EPHB1: variants seen among roughly 807,000 people sequenced by gnomAD.
EPHB1 encodes the protein EPH receptor B1, also known as ephrin type-B receptor 1.
A neutral mutation model predicts 94.4 loss-of-function variants in EPHB1; 30 were observed. The ratio of observed to expected loss-of-function variants is 0.32; its 90% confidence interval spans 0.24 to 0.43. The LOEUF (loss-of-function observed/expected upper bound fraction) is 0.43. Among genes scored for constraint, EPHB1 ranks in the 20% least tolerant of loss-of-function variants. EPHB1 has a pLI of 1.00. For missense variants in EPHB1, 1,055 were observed against 1,308.3 expected (o/e 0.81, Z 2.99); for synonymous variants, 522 against 489.1 (o/e 1.07, Z -0.89).
chr3:134,815,654 C>G (rs538066897), intron 1 of EPHB1, among the ~76,000 whole-genome samples: 1 of 152,274 alleles, frequency 6.6e-6, no homozygotes, highest in South Asian at 2.1e-4. Flanking sequence ...AAGTTGCCCT[C>G]TAAAAAGGCT....
chr3:134,987,471 C>T (rs1011878911), intron 3 of EPHB1, among the ~76,000 whole-genome samples: 1 of 152,064 alleles, frequency 6.6e-6, no homozygotes, highest in African/African-American at 2.4e-5. Flanking sequence ...CAGAAAAGAC[C>T]ATGTGAGGCC....
Position 134,972,994 on chromosome 3 carries a change from CA to C in EPHB1, c.805+20943del, listed in dbSNP as rs911936833. On this transcript the variant is annotated intron_variant, in intron 3 of 15. Transcript: ENST00000398015. ...GGGCCTCAGCTGCCCATCTCTGGCC[CA>C]GGGGGGTTGGTCTGGCTTCCCTTCT... Among the ~76,000 whole-genome samples the C allele has an allele frequency of 9.2e-5, 14 of 152,318 alleles. No homozygotes were observed. In the East Asian group the frequency reaches 9.6e-4, roughly 10 times the overall value.
intron 3 of EPHB1, among the ~76,000 whole-genome samples, chr3:135,065,618 T>A (rs1937571137): frequency 6.6e-6 from 1 of 152,172 alleles, no homozygotes; most frequent in Non-Finnish European, 1.5e-5. Flanking sequence ...AGCAGATAGT[T>A]GGTTGTTGAG....
intron 1 of EPHB1, among the ~76,000 whole-genome samples, chr3:134,801,331 C>T (rs1192046262): frequency 1.3e-5 from 2 of 152,160 alleles, no homozygotes; most frequent in Non-Finnish European, 2.9e-5. Flanking sequence ...TCTCTCTGCC[C>T]TGACCAGCCC....
chr3:135,099,242 A>G (rs1414895336), intron 3 of EPHB1, among the ~76,000 whole-genome samples: 1 of 152,178 alleles, frequency 6.6e-6, no homozygotes, highest in Non-Finnish European at 1.5e-5. Flanking sequence ...GGAAAGGGAA[A>G]TACAAAGATG....
intron 5 of EPHB1, among the ~76,000 whole-genome samples, chr3:135,137,991 C>A (rs1340330526): frequency 6.6e-6 from 1 of 152,164 alleles, no homozygotes; most frequent in African/African-American, 2.4e-5. Flanking sequence ...GGAAGTGGAG[C>A]CCAGAACCTA....
chr3:134,796,627 C>G (rs1320449310), intron 1 of EPHB1, among the ~76,000 whole-genome samples: 2 of 152,230 alleles, frequency 1.3e-5, no homozygotes, highest in Non-Finnish European at 2.9e-5. Flanking sequence ...CAGCTCCCCG[C>G]CTCCCGCCCC....
At position 135,260,043 on chromosome 3, in the gene EPHB1, A is replaced by G; in HGVS notation, c.*923A>G. 4.3e-6 allele frequency: 1 copy of G among 231,588 alleles called. No individual in the cohort carries two copies. Among genetic ancestry groups the G allele is most frequent in the Admixed American group, 5.7e-5 (1 of 17,622 alleles). The allele number at this position is 231,588 out of a possible 1,614,324, so 14.3% of individuals were successfully genotyped here. A position where few individuals can be genotyped will look rare whatever the true frequency, so the allele number is the denominator to read the frequency against. On this transcript the variant is annotated 3_prime_UTR_variant, in exon 16 of 16. Transcript: ENST00000398015. ...AGAGGAGAGGGAGAAAAATAAAATGAAAGGAAAAAAAAAAGTTTGCAAATT... is the reference window on the plus strand; with the variant it reads ...AGAGGAGAGGGAGAAAAATAAAATGGAAGGAAAAAAAAAAGTTTGCAAATT...
At chr3:134,855,308 G>T (rs936509194) in intron 1 of EPHB1, among the ~76,000 whole-genome samples, 3 of 152,204 alleles carry the variant, frequency 2.0e-5, no homozygotes, top group Admixed American at 6.5e-5. Context: ...AGAAGAGTCT[G>T]GAGAAGCTCC....
chr3:135,133,150 G>A (rs990593626), intron 5 of EPHB1, 101 bp downstream of exon 5: 1 of 1,195,454 alleles, frequency 8.4e-7, no homozygotes, highest in African/African-American at 1.5e-5. Flanking sequence ...CCCGTGTACT[G>A]TCAGGCCTCT....
At chr3:135,100,963 A>T (rs1256038917) in intron 3 of EPHB1, among the ~76,000 whole-genome samples, 1 of 151,898 alleles carries the variant, frequency 6.6e-6, no homozygotes. Flanking sequence ...GGTCGGGGAG[A>T]GGGGTGCCAT....
intron 12 of EPHB1, among the ~76,000 whole-genome samples, chr3:135,202,792 C>A (rs1458163958): frequency 1.3e-5 from 2 of 152,188 alleles, no homozygotes; most frequent in African/African-American, 4.8e-5. Context: ...ATTAGTTCAA[C>A]CATTGTGGAA....
At chr3:134,880,977 T>C (rs1424218159) in intron 1 of EPHB1, among the ~76,000 whole-genome samples, 1 of 152,170 alleles carries the variant, frequency 6.6e-6, no homozygotes, top group Non-Finnish European at 1.5e-5. Context: ...AATAAAATTG[T>C]TTCTCACTGG....
chr3:135,174,361 T>C (rs1941912936), intron 9 of EPHB1, among the ~76,000 whole-genome samples: 1 of 152,176 alleles, frequency 6.6e-6, no homozygotes, highest in Admixed American at 6.5e-5. Context: ...TAGCTGTGGC[T>C]CACGACACTC....
chr3:134,848,385 T>C (rs1307035054), intron 1 of EPHB1, among the ~76,000 whole-genome samples: 2 of 152,346 alleles, frequency 1.3e-5, no homozygotes, highest in Admixed American at 6.5e-5. Flanking sequence ...TTTATAGTGT[T>C]GTTAATTATC....
At chr3:135,257,591 G>A (rs1386117756) in intron 15 of EPHB1, among the ~76,000 whole-genome samples, 1 of 151,934 alleles carries the variant, frequency 6.6e-6, no homozygotes, top group East Asian at 1.9e-4. Flanking sequence ...ATCTCCAGCT[G>A]CGTGCTGGGA....
At chr3:135,196,001 T>G (rs1244950273) in intron 11 of EPHB1, among the ~76,000 whole-genome samples, 1 of 137,312 alleles carries the variant, frequency 7.3e-6, no homozygotes, top group African/African-American at 2.9e-5. Context: ...CACCTGTTGT[T>G]TCCTGACTTT....
intron 10 of EPHB1, among the ~76,000 whole-genome samples, chr3:135,183,166 T>A (rs1942225645): frequency 6.6e-6 from 1 of 150,628 alleles, no homozygotes; most frequent in Non-Finnish European, 1.5e-5. Flanking sequence ...ATGCTACAAA[T>A]CATGAGCCCC....
chr3:134,899,603 C>T (rs530049278), intron 1 of EPHB1, among the ~76,000 whole-genome samples: 12 of 152,254 alleles, frequency 7.9e-5, no homozygotes, highest in African/African-American at 2.4e-4. Context: ...TGATATCTTC[C>T]TTATTTTCAA....
Sources: gnomAD v4.1 joint callset for allele counts (sites outside exome capture counted in the v4.1 genomes callset) on GRCh38, gnomAD v4.1.1 for gene constraint, MANE v1.5 for transcripts, NCBI Gene and HGNC (gene_info 2026-07-23, HGNC 2026-07-21) for gene names.